Variants in CAMK2D observed in about 807,000 individuals in gnomAD.
CAMK2D encodes the protein calcium/calmodulin-dependent protein kinase type II subunit delta.
CAMK2D carries 37 observed loss-of-function variants against 84.0 expected under a neutral mutation model. The observed-to-expected ratio is 0.44, with a 90% CI of 0.34 to 0.58. The LOEUF is 0.58. Among genes scored for constraint, CAMK2D ranks in the 20% least tolerant of loss-of-function variants. The probability of loss-of-function intolerance (pLI) is 0.02; values close to 1 mark genes in which losing one functional copy is unlikely to be tolerated. For missense variants in CAMK2D, 448 were observed against 652.5 expected (o/e 0.69, Z 3.41); for synonymous variants, 202 against 212.5 (o/e 0.95, Z 0.43).
At chr4:113,668,564 T>C (rs1231799831) in intron 2 of CAMK2D, among the ~76,000 whole-genome samples, 1 of 152,222 alleles carries the variant, frequency 6.6e-6, no homozygotes, top group African/African-American at 2.4e-5. Flanking sequence ...TTAAAAATTA[T>C]ATTAATTCCA....
chr4:113,724,994 C>T (rs1375760964), intron 2 of CAMK2D, among the ~76,000 whole-genome samples: 1 of 151,884 alleles, frequency 6.6e-6, no homozygotes, highest in Admixed American at 6.6e-5. Context: ...CTTTATCTCG[C>T]ATTTAGCTAT....
In CAMK2D at chr4:113,532,034, T is replaced by TA. The variant is rs969606709; in HGVS notation, c.518-736dup. Among the ~76,000 whole-genome samples the TA allele has an allele frequency of 2.4e-4, 37 of 152,036 alleles. No homozygotes were observed. In the East Asian group the frequency reaches 4.8e-3, roughly 20 times the overall value. On this transcript the variant is annotated intron_variant, in intron 7 of 20. Transcript: ENST00000511664. ...GTTTTCTTTAAAAGCACAAATAAACTAAAAAAAACTTTTTAAAAGTATATA... is the reference window on the plus strand; with the variant it reads ...GTTTTCTTTAAAAGCACAAATAAACTAAAAAAAAACTTTTTAAAAGTATATA...
At chr4:113,652,538 G>C (rs2099178486) in intron 3 of CAMK2D, among the ~76,000 whole-genome samples, 2 of 152,262 alleles carry the variant, frequency 1.3e-5, no homozygotes, top group South Asian at 4.1e-4. Flanking sequence ...GGGCTCCCTA[G>C]CGACATGAGT....
chr4:113,732,556 T>C (rs181414488), intron 2 of CAMK2D, among the ~76,000 whole-genome samples: 1 of 152,324 alleles, frequency 6.6e-6, no homozygotes, highest in East Asian at 1.9e-4. Flanking sequence ...ATGATATTAA[T>C]TCACTATGGT....
At chr4:113,611,195 C>T (rs1327585711) in intron 3 of CAMK2D, among the ~76,000 whole-genome samples, 1 of 152,124 alleles carries the variant, frequency 6.6e-6, no homozygotes, top group Non-Finnish European at 1.5e-5. Flanking sequence ...CTTGCTTAAA[C>T]TTATGCTGCT....
intron 3 of CAMK2D, among the ~76,000 whole-genome samples, chr4:113,652,861 C>T (rs998475115): frequency 1.1e-4 from 16 of 152,188 alleles, no homozygotes; most frequent in African/African-American, 3.9e-4. Context: ...AAAAATGAAA[C>T]TATCCTTCAT....
intron 2 of CAMK2D, among the ~76,000 whole-genome samples, chr4:113,711,001 T>G (rs2099490557): frequency 6.6e-6 from 1 of 152,072 alleles, no homozygotes; most frequent in Non-Finnish European, 1.5e-5. Context: ...TCTCGTGGAA[T>G]TGCTACAAAG....
intron 3 of CAMK2D, among the ~76,000 whole-genome samples, chr4:113,635,797 G>A (rs1291290298): frequency 6.6e-6 from 1 of 152,130 alleles, no homozygotes; most frequent in African/African-American, 2.4e-5. Context: ...GATAAAATTT[G>A]TAGTTTATCT....
At chr4:113,549,027 T>C (rs1380963227) in intron 5 of CAMK2D, among the ~76,000 whole-genome samples, 3 of 152,202 alleles carry the variant, frequency 2.0e-5, no homozygotes, top group Admixed American at 2.0e-4. Flanking sequence ...AAAATCTCCA[T>C]ATTTAGAAAG....
chr4:113,588,790 A>G (rs1404135630), intron 4 of CAMK2D, among the ~76,000 whole-genome samples: 2 of 152,208 alleles, frequency 1.3e-5, no homozygotes, highest in South Asian at 4.1e-4. Context: ...CAAAAGAGAA[A>G]AAAGTCCCTG....
At chr4:113,563,217 G>T (rs1365733153) in intron 4 of CAMK2D, among the ~76,000 whole-genome samples, 3 of 152,152 alleles carry the variant, frequency 2.0e-5, no homozygotes, top group South Asian at 4.1e-4. Flanking sequence ...TCACGCCATT[G>T]CACTCCAGCC....
chr4:113,690,250 T>TAC (rs2099383241), intron 2 of CAMK2D, among the ~76,000 whole-genome samples: 1 of 152,166 alleles, frequency 6.6e-6, no homozygotes, highest in Non-Finnish European at 1.5e-5. Flanking sequence ...CCTGAATTCA[T>TAC]ACTACTGAAG....
chr4:113,503,421 C>T lies in CAMK2D; in HGVS notation c.1045-444G>A, dbSNP rs556627128. 3.1e-4 allele frequency: 120 copies of T among 382,692 alleles called. 1 individual carries two copies. Among genetic ancestry groups the T allele is most frequent in the South Asian group, 2.5e-3 (113 of 45,088 alleles). 23.7% of individuals were successfully genotyped at this position (382,692 alleles called of 1,614,324 possible). ...TTTTCAGTTATATTGGTTTGAAACT[C>T]GATTATGGTGTCATTAATTAATACG... On this transcript the variant is annotated intron_variant, in intron 14 of 20. Transcript: ENST00000511664.
chr4:113,519,732 AT>A (rs2098332575), intron 8 of CAMK2D, among the ~76,000 whole-genome samples: 2 of 152,296 alleles, frequency 1.3e-5, no homozygotes, highest in Admixed American at 6.5e-5. Flanking sequence ...ATACTAATAA[AT>A]TTTATTGTAG....
At chr4:113,591,948 C>G (rs1221969555) in intron 4 of CAMK2D, among the ~76,000 whole-genome samples, 1 of 152,132 alleles carries the variant, frequency 6.6e-6, no homozygotes, top group Non-Finnish European at 1.5e-5. Flanking sequence ...CTTGTCTCTA[C>G]TAGGTTGTAA....
intron 2 of CAMK2D, among the ~76,000 whole-genome samples, chr4:113,701,699 A>ATGT (rs897952519): frequency 1.3e-5 from 2 of 151,904 alleles, no homozygotes; most frequent in Non-Finnish European, 2.9e-5. Flanking sequence ...CGTAGGTTTT[A>ATGT]TGTTGTTGTT....
chr4:113,707,822 TAGA>T (rs1240526403), intron 2 of CAMK2D, among the ~76,000 whole-genome samples: 1 of 152,176 alleles, frequency 6.6e-6, no homozygotes, highest in East Asian at 1.9e-4. Flanking sequence ...GCATTGTCTG[TAGA>T]AGGAGACTGT....
chr4:113,480,287 T>G (rs1246512759), intron 16 of CAMK2D, among the ~76,000 whole-genome samples: 1 of 152,012 alleles, frequency 6.6e-6, no homozygotes, highest in Non-Finnish European at 1.5e-5. Flanking sequence ...ATTATCCCTA[T>G]TGTACATATG....
rs571338297 is a variant in CAMK2D, at chr4:113,530,617, A to G, written c.601+599T>C. ...AGGTCTTTGGTAGGATGGAGGCCTC[A>G]TGAATGGGATTAATGCTCTTATAAA... On this transcript the variant is annotated intron_variant, in intron 8 of 20. Coordinates refer to ENST00000511664, the MANE Select transcript of CAMK2D (RefSeq NM_001321571.2). 5.9e-5 allele frequency among the ~76,000 whole-genome samples: 9 copies of G among 152,328 alleles called. No individual in the cohort carries two copies. The East Asian group carries it at 1.7e-3, about 29-fold the overall frequency.
Sources: gnomAD v4.1 joint callset for allele counts (sites outside exome capture counted in the v4.1 genomes callset) on GRCh38, gnomAD v4.1.1 for gene constraint, MANE v1.5 for transcripts, NCBI Gene and HGNC (gene_info 2026-07-23, HGNC 2026-07-21) for gene names.